Variants in DNM3 observed in about 807,000 individuals in gnomAD.
DNM3 encodes dynamin-3.
A neutral mutation model predicts 101.6 loss-of-function variants in DNM3; 47 were observed. The observed-to-expected ratio is 0.46, with a 90% CI of 0.37 to 0.59. The LOEUF (loss-of-function observed/expected upper bound fraction) is 0.59, where lower values mean the gene tolerates loss of function less well. DNM3 is among the 20% of genes least tolerant of loss of function. DNM3 has a pLI of 0.00. For synonymous variants in DNM3, 385 were observed against 387.9 expected, an observed-to-expected ratio of 0.99 and a Z score of 0.09; for missense variants, 849 against 1,085.7, an observed-to-expected ratio of 0.78 and a Z score of 3.06.
chr1:171,957,408 T>C (rs1016583713), intron 2 of DNM3, among the ~76,000 whole-genome samples: 3 of 151,894 alleles, frequency 2.0e-5, no homozygotes, highest in Non-Finnish European at 2.9e-5. Context: ...CCATGTTAGC[T>C]AGGATGGACT....
chr1:172,100,655 G>A (rs984094623), intron 13 of DNM3, among the ~76,000 whole-genome samples: 4 of 152,086 alleles, frequency 2.6e-5, no homozygotes, highest in African/African-American at 9.7e-5. Context: ...TTTTTCAGAT[G>A]TAAATTTCAG....
intron 14 of DNM3, among the ~76,000 whole-genome samples, chr1:172,247,584 A>T (rs1205524766): frequency 6.6e-6 from 1 of 152,050 alleles, no homozygotes; most frequent in Admixed American, 6.6e-5. Context: ...GTGCATATTT[A>T]AAAAACATAT....
At chr1:172,290,932 G>C (rs61807830) in intron 15 of DNM3, among the ~76,000 whole-genome samples, 2 of 152,074 alleles carry the variant, frequency 1.3e-5, no homozygotes, top group Non-Finnish European at 2.9e-5. Flanking sequence ...GGAGTCAGGC[G>C]GGTGTGATAT....
At chr1:172,028,633 G>T (rs554339523) in intron 4 of DNM3, among the ~76,000 whole-genome samples, 2 of 152,072 alleles carry the variant, frequency 1.3e-5, no homozygotes, top group South Asian at 4.1e-4. Context: ...CCAGGAGCTG[G>T]TTTTTTGAGA....
chr1:171,979,694 C>T (rs2044642524), intron 2 of DNM3, among the ~76,000 whole-genome samples: 1 of 152,156 alleles, frequency 6.6e-6, no homozygotes, highest in African/African-American at 2.4e-5. Context: ...ACCTGGGGCC[C>T]CTTAACCTTC....
intron 15 of DNM3, among the ~76,000 whole-genome samples, chr1:172,306,038 C>G (rs986306967): frequency 1.3e-5 from 2 of 152,148 alleles, no homozygotes; most frequent in Non-Finnish European, 2.9e-5. Flanking sequence ...CCAGGGCAAT[C>G]AGGCAAGAGA....
intron 2 of DNM3, among the ~76,000 whole-genome samples, chr1:171,983,487 G>A (rs2044993637): frequency 6.6e-6 from 1 of 151,980 alleles, no homozygotes; most frequent in Non-Finnish European, 1.5e-5. Flanking sequence ...GGCAGGGTTT[G>A]ATGGACGTCT....
At chr1:172,263,246 G>T (rs2062734623) in intron 15 of DNM3, among the ~76,000 whole-genome samples, 1 of 152,178 alleles carries the variant, frequency 6.6e-6, no homozygotes, top group Non-Finnish European at 1.5e-5. Context: ...AAACTGATTA[G>T]AGAGAAATAG....
intron 2 of DNM3, among the ~76,000 whole-genome samples, chr1:171,960,760 G>A (rs1017831942): frequency 3.9e-5 from 6 of 152,270 alleles, no homozygotes; most frequent in East Asian, 3.9e-4. Context: ...CAGGGGCCCA[G>A]GCAGAGTTCA....
At chr1:172,198,929 A>T (rs577707213) in intron 14 of DNM3, among the ~76,000 whole-genome samples, 2 of 151,308 alleles carry the variant, frequency 1.3e-5, no homozygotes, top group Admixed American at 1.3e-4. Context: ...TTAATTTTTG[A>T]TATTTCTCAT....
At chr1:172,265,422 G>C (rs1557902474) in intron 15 of DNM3, among the ~76,000 whole-genome samples, 1 of 152,138 alleles carries the variant, frequency 6.6e-6, no homozygotes, top group Non-Finnish European at 1.5e-5. Flanking sequence ...TTCACACTCA[G>C]ACTGGTTTAG....
intron 17 of DNM3, chr1:172,370,311 C>T (rs1030500817): frequency 6.6e-6 from 1 of 151,876 alleles, no homozygotes; most frequent in Non-Finnish European, 1.5e-5. Flanking sequence ...TGTATCATCA[C>T]CTGTTGAAAG....
intron 14 of DNM3, chr1:172,139,705 G>C (rs1366166710): frequency 6.6e-6 from 1 of 152,104 alleles, no homozygotes; most frequent in African/African-American, 2.4e-5. Flanking sequence ...TTTGGATATA[G>C]TTAGTGCAAT....
chr1:171,855,384 G>A (rs778014160), intron 1 of DNM3, among the ~76,000 whole-genome samples: 3 of 152,144 alleles, frequency 2.0e-5, no homozygotes, highest in Admixed American at 1.3e-4. Flanking sequence ...GTTTCTCTGG[G>A]TATATACCCA....
At chr1:171,923,095 C>T (rs1295065935) in intron 2 of DNM3, among the ~76,000 whole-genome samples, 5 of 152,140 alleles carry the variant, frequency 3.3e-5, no homozygotes, top group Non-Finnish European at 7.3e-5. Context: ...TGTAGTAACT[C>T]TCTGTTTAAT....
chr1:172,324,611 T>C (rs577553183), intron 17 of DNM3, among the ~76,000 whole-genome samples: 18 of 152,334 alleles, frequency 1.2e-4, no homozygotes, highest in African/African-American at 4.3e-4. Context: ...TGAAATTGAT[T>C]AAAGATTTCT....
chr1:172,398,188 A>C (rs950555356), intron 20 of DNM3, among the ~76,000 whole-genome samples: 1 of 152,218 alleles, frequency 6.6e-6, no homozygotes, highest in African/African-American at 2.4e-5. Flanking sequence ...TTGGAAAAGC[A>C]AGATTTGAGA....
intron 7 of DNM3, among the ~76,000 whole-genome samples, chr1:172,040,202 C>G (rs553289378): frequency 6.6e-6 from 1 of 152,166 alleles, no homozygotes; most frequent in Non-Finnish European, 1.5e-5. Flanking sequence ...AAAAATTTTT[C>G]ATGTTTCAGT....
intron 13 of DNM3, among the ~76,000 whole-genome samples, chr1:172,112,347 G>A (rs2055547729): frequency 6.6e-6 from 1 of 152,158 alleles, no homozygotes. Context: ...GTAGAGCTAG[G>A]ATTTAAACTC....
Sources: gnomAD v4.1 joint callset for allele counts (sites outside exome capture counted in the v4.1 genomes callset) on GRCh38, gnomAD v4.1.1 for gene constraint, MANE v1.5 for transcripts, NCBI Gene and HGNC (gene_info 2026-07-23, HGNC 2026-07-21) for gene names.